The following PKHD1L1 variants were observed in gnomAD, a reference collection of about 807,000 sequenced individuals.
PKHD1L1 encodes PKHD1 like 1, also known as fibrocystin-L.
Under a neutral mutation model 462.9 loss-of-function variants are expected in PKHD1L1, and 434 were observed. That is an observed-to-expected ratio of 0.94 (90% CI 0.87 to 1.02). The LOEUF is 1.02. PKHD1L1 is among the 50% of genes least tolerant of loss of function. PKHD1L1 has a pLI of 0.00. For synonymous variants in PKHD1L1, 1,781 were observed against 1,750.0 expected, an observed-to-expected ratio of 1.02 and a Z score of -0.44; for missense variants, 5,202 against 5,096.1, an observed-to-expected ratio of 1.02 and a Z score of -0.63.
At chr8:109,416,474 A>C (rs1320483334) in intron 21 of PKHD1L1, among the ~76,000 whole-genome samples, 1 of 152,222 alleles carries the variant, frequency 6.6e-6, no homozygotes, top group Non-Finnish European at 1.5e-5. Flanking sequence ...ATGAACACTG[A>C]ATATATTTCC....
chr8:109,389,793 G>A (rs369949102), intron 8 of PKHD1L1, among the ~76,000 whole-genome samples: 6 of 152,096 alleles, frequency 3.9e-5, no homozygotes, highest in African/African-American at 9.7e-5. Flanking sequence ...CTCCCAAAGT[G>A]CTGGGATTAC....
rs186106120 is a variant in PKHD1L1 at position 109,429,337 on chromosome 8, T to C, written c.3001-3T>C. The C allele has an allele frequency of 6.7e-6, 10 of 1,497,560 alleles. No individual in the cohort carries two copies. Among genetic ancestry groups the C allele is most frequent in the Non-Finnish European group, 9.1e-6 (10 of 1,096,404 alleles). 92.8% of individuals were successfully genotyped at this position (1,497,560 alleles called of 1,614,324 possible). ...CTAGTAAAATAATTGTGTGTAAAAA[T>C]AGATTAATGATTCCAACATTATTGG... On this transcript the variant is annotated splice_polypyrimidine_tract_variant and splice_region_variant and intron_variant, in intron 25 of 77. Coordinates refer to ENST00000378402, the MANE Select transcript of PKHD1L1 (RefSeq NM_177531.6).
At chr8:109,483,680 T>C (rs1168458835) in intron 57 of PKHD1L1, among the ~76,000 whole-genome samples, 2 of 150,810 alleles carry the variant, frequency 1.3e-5, no homozygotes, top group Non-Finnish European at 3.0e-5. Flanking sequence ...AATATGAACA[T>C]TTTTGGATAA....
intron 10 of PKHD1L1, 82 bp downstream of exon 10, chr8:109,394,567 G>A: frequency 1.1e-6 from 1 of 878,022 alleles, no homozygotes; most frequent in East Asian, 2.9e-5. Context: ...AAGACAATGA[G>A]TGTAAGGTGT....
Position 109,390,500 on chromosome 8 carries a change from C to A in PKHD1L1, c.740+6C>A. 7.1e-7 allele frequency: 1 copy of A among 1,413,774 alleles called. No homozygotes were observed. The highest frequency in any genetic ancestry group is 2.6e-5 in the East Asian group (1 of 39,014). 87.6% of individuals were successfully genotyped at this position (1,413,774 alleles called of 1,614,324 possible). On this transcript the variant is annotated splice_donor_region_variant and intron_variant, in intron 9 of 77. Transcript: ENST00000378402. ...TTAGATAATGATTATGGAAGGTAGG[C>A]TATTTTGTAAATAATAACTTTTATA...
chr8:109,363,811 C>T (rs568874553), intron 1 of PKHD1L1, among the ~76,000 whole-genome samples: 72 of 152,296 alleles, frequency 4.7e-4, no homozygotes, highest in Non-Finnish European at 7.6e-4. Context: ...GGCATGTCTT[C>T]TTTATAGAAG....
In PKHD1L1 at chr8:109,454,220, C is replaced by A. The variant is rs1281259528; in HGVS notation, c.6718C>A (p.Leu2240Ile). Residue 2240 changes from leucine to isoleucine, a missense_variant, in exon 44 of 78, where the codon CTA (leucine) becomes ATA (isoleucine). Physicochemically the swap from Leu to Ile is conservative, Grantham distance 5 (BLOSUM62 2). Around this residue, in one of 3 missense-constraint regions of PKHD1L1, gnomAD observed 4,497 missense variants for 4,336.8 expected, o/e 1.04. Coordinates refer to ENST00000378402, the MANE Select transcript of PKHD1L1 (RefSeq NM_177531.6). ...ADIELQAENI[L>I]ITDGGVLQIG... Reference sequence around the variant, plus strand: ...CATTGAACTCCAGGCAGAAAATATTCTAATTACAGATGGAGGTGTTCTTCA... The same window carrying A: ...CATTGAACTCCAGGCAGAAAATATTATAATTACAGATGGAGGTGTTCTTCA... 2.5e-6 allele frequency: 4 copies of A among 1,606,908 alleles called. No individual in the cohort carries two copies. The East Asian group carries it at 6.7e-5, about 27-fold the overall frequency.
At chr8:109,480,926 A>G (rs1818242316) in intron 55 of PKHD1L1, among the ~76,000 whole-genome samples, 1 of 151,952 alleles carries the variant, frequency 6.6e-6, no homozygotes, top group African/African-American at 2.4e-5. Context: ...TTTCACCATT[A>G]GTTTTCTCAC....
At chr8:109,448,534 C>CTCTGTCTCAAAAAA in intron 39 of PKHD1L1, 143 bp downstream of exon 39, 1 of 1,009,114 alleles carries the variant, frequency 9.9e-7, no homozygotes, top group Non-Finnish European at 1.4e-6. Flanking sequence ...TTTTTTGAGA[C>CTCTGTCTCAAAAAA]AGAGTCTCGC....
intron 2 of PKHD1L1, among the ~76,000 whole-genome samples, chr8:109,374,445 T>G (rs1811696240): frequency 6.6e-6 from 1 of 152,246 alleles, no homozygotes; most frequent in Non-Finnish European, 1.5e-5. Flanking sequence ...GGGTCTTGAC[T>G]CTTTATCCAA....
rs576592608 is a variant in PKHD1L1, at chr8:109,496,881, T to C, written c.10328-38T>C. On this transcript the variant is annotated intron_variant, in intron 63 of 77. Transcript: ENST00000378402. ...CTTATTAAAACTATATGACATGAAA[T>C]GTAGTGTTCATTCTCTGGTTCTATA... 6.1e-5 allele frequency: 96 copies of C among 1,567,780 alleles called. No homozygotes were observed. In the African/African-American group the frequency reaches 1.2e-3, roughly 19 times the overall value.
intron 21 of PKHD1L1, among the ~76,000 whole-genome samples, chr8:109,414,110 T>C (rs1274042004): frequency 6.6e-6 from 1 of 152,188 alleles, no homozygotes; most frequent in Non-Finnish European, 1.5e-5. Flanking sequence ...TGGGTTTTAT[T>C]AATTTTTATA....
intron 73 of PKHD1L1, among the ~76,000 whole-genome samples, chr8:109,519,498 C>T (rs1440260078): frequency 6.6e-6 from 1 of 152,096 alleles, no homozygotes; most frequent in African/African-American, 2.4e-5. Context: ...TACTACTGAA[C>T]TTTCCTGGTC....
At chr8:109,493,839 T>C (rs1295164164) in intron 63 of PKHD1L1, 88 bp downstream of exon 63, 1 of 786,444 alleles carries the variant, frequency 1.3e-6, no homozygotes, top group Non-Finnish European at 1.9e-6. Flanking sequence ...GTTAATTCAA[T>C]ATGTGATGTC....
In PKHD1L1 at chr8:109,522,897, C is replaced by T; in HGVS notation, c.12330+7C>T. ...AAAGGCAACAGATTCTGACGTAAGT[C>T]ATAACTCAAAATTTTACTTAAGTGA... On this transcript the variant is annotated splice_region_variant and intron_variant, in intron 75 of 77. Transcript: ENST00000378402. 6.3e-7 allele frequency: 1 copy of T among 1,587,716 alleles called. No individual in the cohort carries two copies. Among genetic ancestry groups the T allele is most frequent in the Admixed American group, 1.9e-5 (1 of 54,006 alleles).
intron 27 of PKHD1L1, among the ~76,000 whole-genome samples, chr8:109,432,165 A>ATTTTATGTTT (rs1221657123): frequency 6.6e-6 from 1 of 152,128 alleles, no homozygotes; most frequent in Non-Finnish European, 1.5e-5. Context: ...ATTTACTTGT[A>ATTTTATGTTT]ACCATTTACT....
chr8:109,451,972 A>G (rs185780379), intron 41 of PKHD1L1, among the ~76,000 whole-genome samples, 152 bp from the exon 42 acceptor site: 7 of 152,314 alleles, frequency 4.6e-5, no homozygotes, highest in Admixed American at 4.6e-4. Context: ...TTGAAGTCTT[A>G]ATATTGAAAA....
intron 2 of PKHD1L1, among the ~76,000 whole-genome samples, chr8:109,370,149 C>T (rs1282188086): frequency 1.3e-5 from 2 of 152,064 alleles, no homozygotes; most frequent in African/African-American, 2.4e-5. Flanking sequence ...GATGGAGTCT[C>T]GCTCTGTCGC....
rs775667430 is a variant in PKHD1L1, at chr8:109,433,164, A to G, written c.3288A>G (p.Ser1096=). The G allele has an allele frequency of 5.0e-6, 8 of 1,613,512 alleles. No homozygotes were observed. The highest frequency in any genetic ancestry group is 2.7e-5 in the African/African-American group (2 of 74,908). Residue 1096 remains serine (S), a synonymous_variant, in exon 28 of 78, where the codon TCA becomes TCG. Coordinates refer to ENST00000378402, the MANE Select transcript of PKHD1L1 (RefSeq NM_177531.6). ...TIVGSGFSPS[S]AVTVSVGPVG... ...TGGGTTCTGGATTTTCTCCTAGTTC[A>G]GCTGTAACAGTCTCAGTTGGACCAG...
Sources: allele counts gnomAD v4.1 joint callset (sites outside exome capture counted in the v4.1 genomes callset), GRCh38; gene constraint gnomAD v4.1.1; regional missense constraint gnomAD v4.1.1; transcripts MANE v1.5; gene names NCBI Gene and HGNC (gene_info 2026-07-23, HGNC 2026-07-21).